The following FGD4 variants were observed in gnomAD, a reference collection of about 807,000 sequenced individuals.
The protein encoded by FGD4 is FYVE, RhoGEF and PH domain-containing protein 4.
Under a neutral mutation model 102.0 loss-of-function variants are expected in FGD4, and 42 were observed. The observed-to-expected ratio is 0.41, with a 90% CI of 0.32 to 0.53. The LOEUF (loss-of-function observed/expected upper bound fraction) is 0.53, where lower values mean the gene tolerates loss of function less well. Among genes scored for constraint, FGD4 ranks in the 20% least tolerant of loss-of-function variants. The pLI, the probability that FGD4 is intolerant of heterozygous loss-of-function variation, is 0.21. For synonymous variants in FGD4, 380 were observed against 375.7 expected, an observed-to-expected ratio of 1.01 and a Z score of -0.13; for missense variants, 902 against 1,078.2, an observed-to-expected ratio of 0.84 and a Z score of 2.29.
intron 1 of FGD4, among the ~76,000 whole-genome samples, chr12:32,523,984 G>A (rs1424840840): frequency 6.7e-6 from 1 of 150,292 alleles, no homozygotes; most frequent in African/African-American, 2.5e-5. Flanking sequence ...TCTCAAAAAA[G>A]AGAAAATACA....
At chr12:32,540,838 T>G (rs1592155639) in intron 1 of FGD4, among the ~76,000 whole-genome samples, 1 of 152,194 alleles carries the variant, frequency 6.6e-6, no homozygotes, top group East Asian at 1.9e-4. Context: ...GCGCTGGGAT[T>G]ACAGGCAAGA....
intron 1 of FGD4, among the ~76,000 whole-genome samples, chr12:32,487,343 A>C (rs2136563165): frequency 6.6e-6 from 1 of 152,314 alleles, no homozygotes; most frequent in Admixed American, 6.5e-5. Context: ...AAATTTATGA[A>C]TATTACCCTT....
intron 1 of FGD4, among the ~76,000 whole-genome samples, chr12:32,473,037 C>A (rs1033151368): frequency 2.0e-5 from 3 of 151,392 alleles, no homozygotes; most frequent in Non-Finnish European, 4.4e-5. Flanking sequence ...TCTAGCTGCT[C>A]TGGTGGGGCC....
chr12:32,597,268 G>A (rs961335819), intron 4 of FGD4, among the ~76,000 whole-genome samples: 3 of 152,172 alleles, frequency 2.0e-5, no homozygotes, highest in African/African-American at 7.2e-5. Context: ...ATTGGTCTGG[G>A]CTTGAGAAGA....
At chr12:32,590,824 C>T (rs1947414601) in intron 4 of FGD4, among the ~76,000 whole-genome samples, 1 of 152,170 alleles carries the variant, frequency 6.6e-6, no homozygotes, top group South Asian at 2.1e-4. Flanking sequence ...CTTGTGATAG[C>T]TTCCTTGATT....
intron 1 of FGD4, among the ~76,000 whole-genome samples, chr12:32,545,130 G>A (rs1370008150): frequency 6.6e-6 from 1 of 152,140 alleles, no homozygotes; most frequent in Non-Finnish European, 1.5e-5. Flanking sequence ...AGATAGTTGG[G>A]GAAGATAATT....
intron 4 of FGD4, among the ~76,000 whole-genome samples, chr12:32,597,833 A>G (rs997369018): frequency 6.6e-6 from 1 of 152,214 alleles, no homozygotes; most frequent in Non-Finnish European, 1.5e-5. Flanking sequence ...ATTGATGGGC[A>G]TGTGGGGGTT....
At chr12:32,444,635 C>T (rs773807581) in intron 1 of FGD4, among the ~76,000 whole-genome samples, 3 of 152,114 alleles carry the variant, frequency 2.0e-5, no homozygotes, top group Non-Finnish European at 4.4e-5. Context: ...GAACTCCTGA[C>T]CTCAGGTGAC....
At chr12:32,459,631 AAACTT>A (rs1943046019) in intron 1 of FGD4, among the ~76,000 whole-genome samples, 1 of 152,192 alleles carries the variant, frequency 6.6e-6, no homozygotes, top group Non-Finnish European at 1.5e-5. Flanking sequence ...AATAAAATAA[AAACTT>A]AAAAAAGATT....
At chr12:32,446,629 CATGGAAACAGGAA>C (rs1942623981) in intron 1 of FGD4, among the ~76,000 whole-genome samples, 1 of 152,104 alleles carries the variant, frequency 6.6e-6, no homozygotes, top group African/African-American at 2.4e-5. Context: ...GAAGAAGAGG[CATGGAAACAGGAA>C]ACAAACTTCC....
At chr12:32,541,296 A>T (rs531894442) in intron 1 of FGD4, among the ~76,000 whole-genome samples, 1 of 152,340 alleles carries the variant, frequency 6.6e-6, no homozygotes, top group Non-Finnish European at 1.5e-5. Context: ...CTGATTTTGC[A>T]GCAGGGAGTA....
intron 14 of FGD4, among the ~76,000 whole-genome samples, chr12:32,628,525 G>A (rs1950308945): frequency 6.6e-6 from 1 of 152,114 alleles, no homozygotes. Context: ...GAGGCCAGGC[G>A]CAGTGGCTTA....
chr12:32,536,947 A>G (rs1448116887), intron 1 of FGD4, among the ~76,000 whole-genome samples: 7 of 149,444 alleles, frequency 4.7e-5, no homozygotes, highest in African/African-American at 1.7e-4. Context: ...TTTTTGAGAC[A>G]GAGTCTCGCT....
rs575366075 is a variant in FGD4, at chr12:32,409,351, C to T, written c.166+9392C>T. 9.1e-5 allele frequency among the ~76,000 whole-genome samples: 13 copies of T among 142,428 alleles called. No individual in the cohort carries two copies. The East Asian group carries it at 1.5e-3, about 16-fold the overall frequency. 93.4% of individuals were successfully genotyped at this position (142,428 alleles called of 152,430 possible). On this transcript the variant is annotated intron_variant, in intron 1 of 16. Transcript: ENST00000534526. ...TCCCCCAAGCTGGAGTGCAATGGTG[C>T]GATCTCCGCTCCCTGCAACCTCCGC... is the stretch of plus-strand genomic sequence containing the variant.
chr12:32,412,516 A>G (rs1437712428), intron 1 of FGD4, among the ~76,000 whole-genome samples: 1 of 152,132 alleles, frequency 6.6e-6, no homozygotes, highest in Non-Finnish European at 1.5e-5. Context: ...GGTGGCCCAC[A>G]CCTGTGTTCC....
intron 1 of FGD4, among the ~76,000 whole-genome samples, chr12:32,561,035 C>T (rs1178830841): frequency 1.0e-4 from 13 of 129,080 alleles, no homozygotes. Flanking sequence ...AGGAGAGCAA[C>T]AGAAAATAAA....
intron 1 of FGD4, among the ~76,000 whole-genome samples, chr12:32,508,510 C>A (rs1939022177): frequency 6.6e-6 from 1 of 152,158 alleles, no homozygotes; most frequent in Non-Finnish European, 1.5e-5. Flanking sequence ...TATTTAGATT[C>A]TAAAGCCAGC....
chr12:32,541,121 CTTCT>C (rs1243845530), intron 1 of FGD4, among the ~76,000 whole-genome samples: 2 of 151,796 alleles, frequency 1.3e-5, no homozygotes. Flanking sequence ...TTCTTCCTAA[CTTCT>C]TTCTTCTGTC....
chr12:32,631,147 T>C (rs1259177055), intron 14 of FGD4, among the ~76,000 whole-genome samples: 4 of 152,070 alleles, frequency 2.6e-5, no homozygotes, highest in African/African-American at 9.7e-5. Flanking sequence ...ATTGCTAATA[T>C]TTAAATGTAT....
Sources: allele counts gnomAD v4.1 joint callset (sites outside exome capture counted in the v4.1 genomes callset), GRCh38; gene constraint gnomAD v4.1.1; transcripts MANE v1.5; gene names NCBI Gene and HGNC (gene_info 2026-07-23, HGNC 2026-07-21).